The following RNF170 variants were observed in gnomAD, a reference collection of about 807,000 sequenced individuals.
The protein encoded by RNF170 is ring finger protein 170.
RNF170 carries 12 observed loss-of-function variants against 32.7 expected under a neutral mutation model. The ratio of observed to expected loss-of-function variants is 0.37; its 90% CI spans 0.24 to 0.60. The LOEUF (loss-of-function observed/expected upper bound fraction) is 0.60. Ranked by LOEUF, RNF170 falls within the 20% of genes least tolerant of loss-of-function variation. The pLI, the probability that RNF170 is intolerant of heterozygous loss-of-function variation, is 0.72. For synonymous variants in RNF170, 91 were observed against 103.6 expected (o/e 0.88, Z 0.74); for missense variants, 212 against 311.2 (o/e 0.68, Z 2.40).
rs1422462584 is a variant in RNF170 at position 42,855,958 on chromosome 8, C to G, written c.*201G>C. 1 of 1,387,216 alleles carries G rather than the reference C, an allele frequency of 7.2e-7. No individual in the cohort carries two copies. The highest frequency in any genetic ancestry group is 9.6e-7 in the Non-Finnish European group (1 of 1,042,950). The allele number at this position is 1,387,216 out of a possible 1,614,324, so 85.9% of individuals were successfully genotyped here. ...AACTGTAGATCATTATAATTCTAAA[C>G]TTAATATTAGAACTTCAAACATGAA... On this transcript the variant is annotated 3_prime_UTR_variant, in exon 7 of 7. Coordinates refer to ENST00000527424, the MANE Select transcript of RNF170 (RefSeq NM_030954.4).
chr8:42,870,278 T>C (rs993282768), intron 3 of RNF170, among the ~76,000 whole-genome samples, 166 bp from the exon 4 acceptor site: 30 of 152,232 alleles, frequency 2.0e-4, no homozygotes, highest in Admixed American at 1.1e-3. Flanking sequence ...TGAGGCTATA[T>C]TGTTTTTATT....
chr8:42,893,428 C>A (rs1806480479), intron 1 of RNF170, among the ~76,000 whole-genome samples: 1 of 152,160 alleles, frequency 6.6e-6, no homozygotes, highest in Non-Finnish European at 1.5e-5. Flanking sequence ...TGAGCAGTAT[C>A]TTCAGACAGC....
intron 3 of RNF170, among the ~76,000 whole-genome samples, chr8:42,872,410 T>C (rs1804589501): frequency 6.6e-6 from 1 of 152,222 alleles, no homozygotes; most frequent in Non-Finnish European, 1.5e-5. Flanking sequence ...TGGGTAACAA[T>C]TGTTATGGAA....
At chr8:42,861,046 CA>C (rs1218131425) in intron 6 of RNF170, among the ~76,000 whole-genome samples, 2 of 152,186 alleles carry the variant, frequency 1.3e-5, no homozygotes, top group Non-Finnish European at 2.9e-5. Flanking sequence ...GGGAACATTT[CA>C]AACAGGGCTA....
chr8:42,889,356 CA>C (rs1806104152), intron 1 of RNF170: 1 of 151,716 alleles, frequency 6.6e-6, no homozygotes, highest in African/African-American at 2.4e-5. Context: ...GTCCAAATAT[CA>C]CAGGTAATTC....
chr8:42,850,338 C>T (rs889309993), downstream of RNF170: 14 of 205,004 alleles, frequency 6.8e-5, no homozygotes, highest in Middle Eastern at 1.8e-3. Flanking sequence ...AGATGATCAT[C>T]GGGCTGCGTT....
chr8:42,860,964 C>T lies in RNF170; in HGVS notation c.507+781G>A, dbSNP rs181368520. On this transcript the variant is annotated intron_variant, in intron 6 of 6. Transcript: ENST00000527424. ...AACTGCTGACCTCAGGTGATCCACC[C>T]GCCTCGGCCTCCCAAAGTGCTGGGA... Among the ~76,000 whole-genome samples, 1,102 of 152,244 alleles carry T rather than the reference C, an allele frequency of 7.2e-3. 12 individuals carry two copies. Among genetic ancestry groups the T allele is most frequent in the African/African-American group, 0.025 (1,046 of 41,554 alleles).
chr8:42,889,033 C>T (rs1189456380), intron 1 of RNF170, among the ~76,000 whole-genome samples: 2 of 152,122 alleles, frequency 1.3e-5, no homozygotes, highest in Admixed American at 1.3e-4. Flanking sequence ...ATAAAAGTGA[C>T]TTACCATACT....
At chr8:42,895,717 A>C (rs947874806) in intron 1 of RNF170, among the ~76,000 whole-genome samples, 1 of 152,228 alleles carries the variant, frequency 6.6e-6, no homozygotes, top group Non-Finnish European at 1.5e-5. Context: ...TACACAGTAC[A>C]CCAATTTAAT....
intron 2 of RNF170, among the ~76,000 whole-genome samples, chr8:42,885,265 G>A (rs1252273358): frequency 6.6e-6 from 1 of 152,106 alleles, no homozygotes; most frequent in East Asian, 1.9e-4. Flanking sequence ...TATACAGAGA[G>A]ATCTATATAC....
chr8:42,894,350 T>C (rs935595877), intron 1 of RNF170, among the ~76,000 whole-genome samples: 2 of 152,180 alleles, frequency 1.3e-5, no homozygotes, highest in Non-Finnish European at 2.9e-5. Flanking sequence ...GGCCAGCATC[T>C]TATCTGCCCA....
At chr8:42,873,293 C>CAAA (rs397891337) in intron 3 of RNF170, among the ~76,000 whole-genome samples, 1 of 70,018 alleles carries the variant, frequency 1.4e-5, no homozygotes, top group African/African-American at 5.0e-5. Flanking sequence ...CTCTTTTTTA[C>CAAA]AAAAAAAAAA....
chr8:42,881,219 T>C (rs1283089526), intron 2 of RNF170: 9 of 152,192 alleles, frequency 5.9e-5, no homozygotes, highest in Admixed American at 1.3e-4. Flanking sequence ...CAATTCTCCA[T>C]AGAAGACAGA....
intron 2 of RNF170, among the ~76,000 whole-genome samples, chr8:42,881,757 A>G (rs1296664291): frequency 6.6e-6 from 1 of 152,118 alleles, no homozygotes. Flanking sequence ...CAACATGGTG[A>G]AACACTGTTT....
At chr8:42,882,035 T>G (rs1377936677) in intron 2 of RNF170, among the ~76,000 whole-genome samples, 1 of 152,018 alleles carries the variant, frequency 6.6e-6, no homozygotes, top group Non-Finnish European at 1.5e-5. Context: ...AAAACCACAG[T>G]GAGTTACTAC....
chr8:42,851,107 G>A, downstream of RNF170: 1 of 1,471,350 alleles, frequency 6.8e-7, no homozygotes, highest in Non-Finnish European at 9.1e-7. Context: ...CTCACTTCAT[G>A]CCCTCCTTCC....
chr8:42,890,727 G>A (rs536097118), intron 1 of RNF170, among the ~76,000 whole-genome samples: 2 of 152,296 alleles, frequency 1.3e-5, no homozygotes, highest in Middle Eastern at 6.8e-3. Context: ...GAAGGGCACT[G>A]CATTTTCTTG....
Position 42,896,534 on chromosome 8 carries a change from A to T in RNF170, c.-58T>A. 2.2e-6 allele frequency: 1 copy of T among 453,794 alleles called. No individual in the cohort carries two copies. Among genetic ancestry groups the T allele is most frequent in the Non-Finnish European group, 4.4e-6 (1 of 226,688 alleles). 28.1% of individuals were successfully genotyped at this position (453,794 alleles called of 1,614,324 possible). A position where few individuals can be genotyped will look rare whatever the true frequency, so the allele number is the denominator to read the frequency against. On this transcript the variant is annotated 5_prime_UTR_variant, in exon 1 of 7. Coordinates refer to ENST00000527424, the MANE Select transcript of RNF170 (RefSeq NM_030954.4). ...GCCAGTTCCCGGCGACAGAGGACAG[A>T]TTATTTCCAGGACCGCTCCCGCCAC...
In RNF170 at chr8:42,865,496, GACAAA is replaced by G. The variant is rs771319071; in HGVS notation, c.323-12_323-8del. On this transcript the variant is annotated splice_region_variant and splice_polypyrimidine_tract_variant and intron_variant, in intron 4 of 6. Coordinates refer to ENST00000527424, the MANE Select transcript of RNF170 (RefSeq NM_030954.4). ...TAAGCAATAATGCAGGCACCTAATAGACAAAACAAAACAAACACATAACCCATTAA... is the reference window on the plus strand; with the variant it reads ...TAAGCAATAATGCAGGCACCTAATAGACAAAACAAACACATAACCCATTAA... 9 of 1,609,628 alleles carry G rather than the reference GACAAA, an allele frequency of 5.6e-6. No homozygotes were observed. The South Asian group carries it at 9.9e-5, about 18-fold the overall frequency.
Sources: allele counts gnomAD v4.1 joint callset (sites outside exome capture counted in the v4.1 genomes callset), GRCh38; gene constraint gnomAD v4.1.1; transcripts MANE v1.5; gene names NCBI Gene and HGNC (gene_info 2026-07-23, HGNC 2026-07-21).